DNAH14: variants seen among roughly 807,000 people sequenced by gnomAD.
The protein encoded by DNAH14 is axonemal beta dynein heavy chain 14.
Under a neutral mutation model 520.9 loss-of-function variants are expected in DNAH14, and 478 were observed. That is an observed-to-expected ratio of 0.92 (90% CI 0.85 to 0.99). The LOEUF is 0.99. DNAH14 is among the 50% of genes least tolerant of loss of function. The probability of loss-of-function intolerance (pLI) is 0.00; values close to 1 mark genes in which losing one functional copy is unlikely to be tolerated. For synonymous variants in DNAH14, 1,581 were observed against 1,757.2 expected, an observed-to-expected ratio of 0.90 and a Z score of 2.51; for missense variants, 4,831 against 5,234.5, an observed-to-expected ratio of 0.92 and a Z score of 2.38.
At chr1:225,087,035 C>CACACACACACACACAG (rs1491096002) in intron 21 of DNAH14, among the ~76,000 whole-genome samples, 1 of 150,228 alleles carries the variant, frequency 6.7e-6, no homozygotes, top group Non-Finnish European at 1.5e-5. Context: ...CACACACACA[C>CACACACACACACACAG]AGCCTTCTAC....
chr1:225,353,052 A>G (rs933647677), intron 72 of DNAH14, among the ~76,000 whole-genome samples: 3 of 152,162 alleles, frequency 2.0e-5, no homozygotes, highest in Admixed American at 6.6e-5. Context: ...TTATCCATTT[A>G]TAACTATACC....
intron 64 of DNAH14, among the ~76,000 whole-genome samples, chr1:225,325,061 C>A (rs1364698217): frequency 6.6e-6 from 1 of 151,528 alleles, no homozygotes; most frequent in Non-Finnish European, 1.5e-5. Flanking sequence ...TTATTATTGT[C>A]TTTATAATAT....
At chr1:225,264,893 G>T (rs1212351332) in intron 47 of DNAH14, among the ~76,000 whole-genome samples, 2 of 152,150 alleles carry the variant, frequency 1.3e-5, no homozygotes, top group African/African-American at 4.8e-5. Context: ...TGCCATTAGT[G>T]CAGACAGCTG....
In DNAH14 at chr1:225,007,573, A is replaced by T. The variant is rs1443082377; in HGVS notation, c.1107+29A>T. On this transcript the variant is annotated intron_variant, in intron 10 of 85. Transcript: ENST00000682510. ...ATTCTTTAATTATATCATATTTATC[A>T]AAGTTGCAATTTACTAGCTGAAGCA... The T allele has an allele frequency of 1.0e-5, 15 of 1,461,770 alleles. No individual in the cohort carries two copies. The Admixed American group carries it at 1.2e-4, about 12-fold the overall frequency. 90.5% of individuals were successfully genotyped at this position (1,461,770 alleles called of 1,614,324 possible).
In DNAH14 at chr1:225,091,145, A is replaced by G. The variant is rs188241913; in HGVS notation, c.3573+5356A>G. Among the ~76,000 whole-genome samples the G allele has an allele frequency of 5.6e-3, 855 of 152,288 alleles. 4 individuals carry two copies. The highest frequency in any genetic ancestry group is 8.8e-3 in the Non-Finnish European group (598 of 68,000). On this transcript the variant is annotated intron_variant, in intron 21 of 85. Transcript: ENST00000682510. ...GTTTTCCTGAAAGAGAGGGAGAGAA[A>G]GAAAACAACTTAGAAAACGTATTTC...
chr1:225,340,828 G>T, intron 69 of DNAH14, 127 bp downstream of exon 69: 2 of 1,152,880 alleles, frequency 1.7e-6, no homozygotes, highest in Non-Finnish European at 2.4e-6. Context: ...ACTGATAAAG[G>T]TAGGTGAATC....
At chr1:225,021,624 GA>G (rs1202221029) in intron 10 of DNAH14, among the ~76,000 whole-genome samples, 4 of 152,124 alleles carry the variant, frequency 2.6e-5, no homozygotes, top group Non-Finnish European at 5.9e-5. Flanking sequence ...ACTGCTGAAA[GA>G]AATTAGAGAT....
In DNAH14 at chr1:225,389,861, T is replaced by C; in HGVS notation, c.13318T>C (p.Phe4440Leu). ...TTCAAGATACTGGCTCCCAGCTTTC[T>C]TCTTTCCACAAGGTGAGCATTAGAA... ...FPSRYWLPAF[F>L]FPQAFLAAVL... Residue 4440 changes from phenylalanine to leucine, a missense_variant, in exon 83 of 86, where the codon TTC (phenylalanine) becomes CTC (leucine). Physicochemically the swap from Phe to Leu is conservative, Grantham distance 22. Transcript: ENST00000682510. The C allele has an allele frequency of 6.4e-7, 1 of 1,551,718 alleles. No homozygotes were observed. The highest frequency in any genetic ancestry group is 8.7e-7 in the Non-Finnish European group (1 of 1,146,980).
At chr1:225,395,121 G>C (rs1026668584) in intron 84 of DNAH14, among the ~76,000 whole-genome samples, 1 of 152,066 alleles carries the variant, frequency 6.6e-6, no homozygotes, top group African/African-American at 2.4e-5. Flanking sequence ...CCTATATTAG[G>C]AATTTTTTAA....
At chr1:225,261,174 T>C (rs558724738) in intron 46 of DNAH14, among the ~76,000 whole-genome samples, 1 of 152,300 alleles carries the variant, frequency 6.6e-6, no homozygotes, top group South Asian at 2.1e-4. Context: ...TCCAGTTCTA[T>C]GTTGAAAAGA....
intron 15 of DNAH14, among the ~76,000 whole-genome samples, chr1:225,049,609 T>G (rs1432816735): frequency 6.6e-6 from 1 of 152,162 alleles, no homozygotes; most frequent in Non-Finnish European, 1.5e-5. Context: ...CTAAGAGCTT[T>G]TTGCCTAACT....
At chr1:225,060,798 G>C (rs1257798147) in intron 17 of DNAH14, among the ~76,000 whole-genome samples, 1 of 45,498 alleles carries the variant, frequency 2.2e-5, no homozygotes, top group African/African-American at 3.3e-5. Flanking sequence ...CTGTTTGCCT[G>C]GGTATCAGCA....
intron 43 of DNAH14, among the ~76,000 whole-genome samples, chr1:225,245,004 C>T (rs1166026647): frequency 6.6e-6 from 1 of 152,180 alleles, no homozygotes; most frequent in Non-Finnish European, 1.5e-5. Flanking sequence ...AAATTTCCCT[C>T]TTAACACTGC....
At chr1:225,185,262 A>G in intron 36 of DNAH14, 29 bp from the exon 37 acceptor site, 1 of 1,534,030 alleles carries the variant, frequency 6.5e-7, no homozygotes, top group South Asian at 1.3e-5. Context: ...ATCATTAATG[A>G]ATGAATAAAT....
At chr1:225,049,922 C>G (rs2068378370) in intron 15 of DNAH14, among the ~76,000 whole-genome samples, 1 of 152,092 alleles carries the variant, frequency 6.6e-6, no homozygotes, top group Non-Finnish European at 1.5e-5. Context: ...CTCCACATAA[C>G]AGATACGTGT....
chr1:224,957,218 T>C (rs1027909137), intron 3 of DNAH14, among the ~76,000 whole-genome samples: 1 of 152,042 alleles, frequency 6.6e-6, no homozygotes, highest in Non-Finnish European at 1.5e-5. Flanking sequence ...AGATGATACC[T>C]ACACTTTGGG....
chr1:225,131,550 G>A (rs2078423930), intron 27 of DNAH14, among the ~76,000 whole-genome samples: 1 of 152,038 alleles, frequency 6.6e-6, no homozygotes, highest in Non-Finnish European at 1.5e-5. Flanking sequence ...GGATACATTT[G>A]ACCCACCCAG....
In DNAH14 at chr1:225,038,431, T is replaced by A. The variant is rs2055657; in HGVS notation, c.1359-263T>A. Among the ~76,000 whole-genome samples the A allele has an allele frequency of 0.27, 41,666 of 151,872 alleles. 6,936 individuals are homozygous for A. The highest frequency in any genetic ancestry group is 0.45 in the Middle Eastern group (133 of 294). ...ATTTATTATTTATTATTTTCTGTTTTTTTTAATAGCCATCCTAATGGGTAT... is the reference window on the plus strand; with the variant it reads ...ATTTATTATTTATTATTTTCTGTTTATTTTAATAGCCATCCTAATGGGTAT... On this transcript the variant is annotated intron_variant, in intron 11 of 85. Transcript: ENST00000682510.
At position 225,337,418 on chromosome 1, in the gene DNAH14, G is replaced by C. The variant is rs963966340; in HGVS notation, c.10233G>C (p.Gln3411His). The change falls in exon 67 of 86, where the codon CAG (glutamine) becomes CAC (histidine). Residue 3411 changes from glutamine (Q) to histidine (H), a missense_variant. By Grantham distance (24) the Gln-to-His change is conservative. Transcript: ENST00000682510. ...GTCAGATGGAAGGATCCAGGCTGCA[G>C]AAGCTCTCCATTGAAGACAGCAATT... ...WIRQMEGSRL[Q>H]KLSIEDSNYT... 1 of 1,551,618 alleles carries C rather than the reference G, an allele frequency of 6.4e-7. No homozygotes were observed. Among genetic ancestry groups the C allele is most frequent in the Non-Finnish European group, 8.7e-7 (1 of 1,147,002 alleles).
Sources: gnomAD v4.1 joint callset for allele counts (sites outside exome capture counted in the v4.1 genomes callset) on GRCh38, gnomAD v4.1.1 for gene constraint, MANE v1.5 for transcripts, NCBI Gene and HGNC (gene_info 2026-07-23, HGNC 2026-07-21) for gene names.